The following MOB4 variants were observed in gnomAD, a reference collection of about 807,000 sequenced individuals.
MOB4 encodes the protein MOB family member 4, phocein.
A neutral mutation model predicts 32.2 loss-of-function variants in MOB4; 4 were observed. That is an observed-to-expected ratio of 0.12 (90% CI 0.06 to 0.28). MOB4 has a LOEUF of 0.28. Among genes scored for constraint, MOB4 ranks in the 10% least tolerant of loss-of-function variants. MOB4 has a pLI of 1.00. For missense variants in MOB4, 158 were observed against 271.2 expected, an observed-to-expected ratio of 0.58 and a Z score of 2.93; for synonymous variants, 88 against 88.1, an observed-to-expected ratio of 1.00 and a Z score of 0.01.
In MOB4 at chr2:197,518,471, A is replaced by T. The variant is rs1024045016; in HGVS notation, c.60+2325A>T. On this transcript the variant is annotated intron_variant, in intron 1 of 7. Transcript: ENST00000323303. ...GAAACTGGGTTTCACCATGTTAACC[A>T]GGCTGGTCTCGAACTCCTGACCTCA... Among the ~76,000 whole-genome samples the T allele has an allele frequency of 2.7e-5, 4 of 149,198 alleles. No individual in the cohort carries two copies. The East Asian group carries it at 8.2e-4, about 31-fold the overall frequency.
chr2:197,546,451 C>T (rs1022515918), intron 5 of MOB4, among the ~76,000 whole-genome samples: 1 of 152,024 alleles, frequency 6.6e-6, no homozygotes, highest in Non-Finnish European at 1.5e-5. Context: ...GGCTGGAATG[C>T]AGTGGCCTGA....
intron 3 of MOB4, among the ~76,000 whole-genome samples, chr2:197,536,372 T>C (rs1196398521): frequency 1.3e-5 from 2 of 150,918 alleles, no homozygotes; most frequent in Non-Finnish European, 3.0e-5. Context: ...CCTGGCTAGT[T>C]TTTTGTATTT....
At chr2:197,522,551 G>A (rs1180597099) in intron 1 of MOB4, among the ~76,000 whole-genome samples, 2 of 151,344 alleles carry the variant, frequency 1.3e-5, no homozygotes, top group African/African-American at 2.4e-5. Flanking sequence ...GGCTGGTCTC[G>A]AACTCCTGAC....
chr2:197,526,672 A>G (rs963849242), intron 2 of MOB4, among the ~76,000 whole-genome samples: 3 of 152,186 alleles, frequency 2.0e-5, no homozygotes, highest in African/African-American at 7.2e-5. Context: ...TGAAGTTGTT[A>G]GGCCCAGGGT....
intron 2 of MOB4, among the ~76,000 whole-genome samples, chr2:197,529,031 G>A (rs1329656404): frequency 4.0e-5 from 6 of 150,956 alleles, no homozygotes; most frequent in African/African-American, 1.5e-4. Flanking sequence ...GCGCGATCTC[G>A]GCTCACTGAG....
intron 2 of MOB4, among the ~76,000 whole-genome samples, chr2:197,532,286 C>T (rs970970390): frequency 6.6e-6 from 1 of 152,122 alleles, no homozygotes; most frequent in Non-Finnish European, 1.5e-5. Flanking sequence ...TAAAAGGATT[C>T]TAGATTTCTT....
intron 5 of MOB4, among the ~76,000 whole-genome samples, chr2:197,541,657 C>T (rs997682217): frequency 3.9e-5 from 6 of 152,162 alleles, no homozygotes; most frequent in African/African-American, 1.4e-4. Context: ...CGGTGGCTCA[C>T]GCCTGTAATC....
chr2:197,546,365 G>C (rs904910879), intron 5 of MOB4, among the ~76,000 whole-genome samples: 30 of 150,678 alleles, frequency 2.0e-4, no homozygotes, highest in Non-Finnish European at 2.8e-4. Context: ...CCGGCCTCAC[G>C]TTATCCCCTT....
chr2:197,535,552 C>G lies in MOB4; in HGVS notation c.146C>G (p.Ala49Gly). The G allele has an allele frequency of 6.2e-7, 1 of 1,610,648 alleles. No individual in the cohort carries two copies. The highest frequency in any genetic ancestry group is 8.5e-7 in the Non-Finnish European group (1 of 1,179,298). The change falls in exon 3 of 8, where the codon GCA becomes GGA. Residue 49 changes from alanine (A) to glycine (G), a missense_variant. Around this residue, in one of 6 missense-constraint regions of MOB4, gnomAD observed 25 missense variants for 70.9 expected, o/e 0.35. Coordinates refer to ENST00000323303, the MANE Select transcript of MOB4 (RefSeq NM_015387.5). ...VQQYIQQNIR[A>G]DCSNIDKILE... ...TAGTATATTCAACAGAACATAAGAG[C>G]AGATTGCTCCAATATTGACAAAATT...
At chr2:197,523,359 G>A (rs2086555144) in intron 1 of MOB4, among the ~76,000 whole-genome samples, 1 of 152,210 alleles carries the variant, frequency 6.6e-6, no homozygotes, top group South Asian at 2.1e-4. Context: ...AAGGTGAGAG[G>A]CTGAGGTGGG....
chr2:197,527,589 A>G (rs79479517), intron 2 of MOB4, among the ~76,000 whole-genome samples: 2,182 of 152,206 alleles, frequency 0.014, 48 homozygotes, highest in African/African-American at 0.05. Context: ...GTGGATAGAG[A>G]TAGTTTTACC....
chr2:197,540,791 A>T (rs900798884), intron 5 of MOB4, among the ~76,000 whole-genome samples: 1 of 152,180 alleles, frequency 6.6e-6, no homozygotes, highest in Admixed American at 6.5e-5. Flanking sequence ...GATTACTCTG[A>T]TGCCTAGTTT....
chr2:197,520,976 T>G (rs2086506567), intron 1 of MOB4, among the ~76,000 whole-genome samples: 1 of 151,894 alleles, frequency 6.6e-6, no homozygotes, highest in Non-Finnish European at 1.5e-5. Flanking sequence ...TGTTTCCTTC[T>G]CTTTTTAAAA....
intron 1 of MOB4, among the ~76,000 whole-genome samples, chr2:197,522,129 T>C (rs1027774263): frequency 1.8e-4 from 28 of 152,166 alleles, no homozygotes; most frequent in Non-Finnish European, 7.4e-5. Flanking sequence ...TCTGCCGTGG[T>C]TTCAGCCGGT....
At chr2:197,528,474 G>A (rs558494594) in intron 2 of MOB4, among the ~76,000 whole-genome samples, 29 of 151,988 alleles carry the variant, frequency 1.9e-4, no homozygotes, top group African/African-American at 3.1e-4. Context: ...AAACCCCATC[G>A]TTAATCATTT....
At chr2:197,538,078 G>A (rs182652140) in intron 3 of MOB4, among the ~76,000 whole-genome samples, 134 of 151,194 alleles carry the variant, frequency 8.9e-4, no homozygotes, top group African/African-American at 3.1e-3. Context: ...ACACTTGGCC[G>A]TTTTTTCCAT....
intron 6 of MOB4, among the ~76,000 whole-genome samples, chr2:197,549,948 C>A (rs894198761): frequency 6.6e-6 from 1 of 151,414 alleles, no homozygotes; most frequent in Non-Finnish European, 1.5e-5. Context: ...AGTTTTCAAT[C>A]GCCTCTAGTG....
At chr2:197,533,818 A>T (rs779915501) in intron 2 of MOB4, 206 of 605,562 alleles carry the variant, frequency 3.4e-4, no homozygotes, top group Non-Finnish European at 5.6e-4. Flanking sequence ...TTCCCACAAG[A>T]CTTTAAGACT....
At position 197,550,674 on chromosome 2, in the gene MOB4, C is replaced by A; in HGVS notation, c.*28C>A. The A allele has an allele frequency of 6.4e-7, 1 of 1,565,782 alleles. No homozygotes were observed. The highest frequency in any genetic ancestry group is 8.6e-7 in the Non-Finnish European group (1 of 1,162,874). ...GGAATCATAGGAAAAATGTACTGAT[C>A]ATATAATTAACATTATGTACTGTAT... On this transcript the variant is annotated 3_prime_UTR_variant, in exon 8 of 8. Coordinates refer to ENST00000323303, the MANE Select transcript of MOB4 (RefSeq NM_015387.5).
Sources: gnomAD v4.1 joint callset for allele counts (sites outside exome capture counted in the v4.1 genomes callset) on GRCh38, gnomAD v4.1.1 for gene constraint, gnomAD v4.1.1 regional missense constraint, MANE v1.5 for transcripts, NCBI Gene and HGNC (gene_info 2026-07-23, HGNC 2026-07-21) for gene names.